PPIB: variants seen among roughly 807,000 people sequenced by gnomAD.
The protein encoded by PPIB is peptidylprolyl isomerase B.
A neutral mutation model predicts 20.1 loss-of-function variants in PPIB; 15 were observed. That is an observed-to-expected ratio of 0.75 (90% CI 0.50 to 1.15). PPIB has a LOEUF of 1.15. Among genes scored for constraint, PPIB ranks in the 50% most tolerant of loss-of-function variants. PPIB has a pLI of 0.00. For missense variants in PPIB, 278 were observed against 283.0 expected, an observed-to-expected ratio of 0.98 and a Z score of 0.13; for synonymous variants, 129 against 111.0, an observed-to-expected ratio of 1.16 and a Z score of -1.02.
rs2081561864 is a variant in PPIB at position 64,161,234 on chromosome 15, C to G, written c.249+807G>C. On this transcript the variant is annotated intron_variant, in intron 2 of 4. Transcript: ENST00000300026. The surrounding 1 kb of genome is among the most constrained non-coding windows in gnomAD (Gnocchi z 4.2). ...GCCTCAGCCTCCCAAAGTGCTGGGA[C>G]TACAGGCATGAGTTACTGCGCCCGG... Among the ~76,000 whole-genome samples, 1 of 151,812 alleles carries G rather than the reference C, an allele frequency of 6.6e-6. No homozygotes were observed. The highest frequency in any genetic ancestry group is 2.1e-4 in the South Asian group (1 of 4,804).
chr15:64,159,046 A>G lies in PPIB; in HGVS notation c.343+1058T>C, dbSNP rs924458128. 6.6e-6 allele frequency among the ~76,000 whole-genome samples: 1 copy of G among 152,204 alleles called. No homozygotes were observed. The highest frequency in any genetic ancestry group is 2.1e-4 in the South Asian group (1 of 4,826). ...AAAACAAGAAGGTGGCAGACACTGG[A>G]TCGAGCCCAACTGCGTCTGACTCCA... On this transcript the variant is annotated intron_variant, in intron 3 of 4. Coordinates refer to ENST00000300026, the MANE Select transcript of PPIB (RefSeq NM_000942.5). The surrounding 1 kb of genome is among the most constrained non-coding windows in gnomAD (Gnocchi z 5.1).
Position 64,156,536 on chromosome 15 carries a change from G to A in PPIB, c.528+189C>T. On this transcript the variant is annotated intron_variant, in intron 4 of 4. Transcript: ENST00000300026. This position sits in a 1 kb window ranked among gnomAD's most constrained non-coding sequence, Gnocchi z 6.4. Reference sequence around the variant, plus strand: ...TGCAGCCTTCCTGGCTGGGCTCTGAGGGGGCTGGAAGAATTTAGAACCTTG... The same window carrying A: ...TGCAGCCTTCCTGGCTGGGCTCTGAAGGGGCTGGAAGAATTTAGAACCTTG... 1.2e-5 allele frequency: 9 copies of A among 766,170 alleles called. No individual in the cohort carries two copies. The South Asian group carries it at 1.4e-4, about 12-fold the overall frequency. 47.5% of individuals were successfully genotyped at this position (766,170 alleles called of 1,614,324 possible).
chr15:64,161,925 C>G lies in PPIB; in HGVS notation c.249+116G>C. 2.5e-6 allele frequency: 2 copies of G among 803,682 alleles called. No individual in the cohort carries two copies. The highest frequency in any genetic ancestry group is 2.4e-5 in the East Asian group (1 of 40,988). The allele number at this position is 803,682 out of a possible 1,614,324, so 49.8% of individuals were successfully genotyped here. ...CTGTGTTCCCAGGGCAACAGGCAGT[C>G]GGTGCTCAGTGAGGTCCACGCTACA... On this transcript the variant is annotated intron_variant, in intron 2 of 4. Coordinates refer to ENST00000300026, the MANE Select transcript of PPIB (RefSeq NM_000942.5). This position sits in a 1 kb window ranked among gnomAD's most constrained non-coding sequence, Gnocchi z 4.2.
chr15:64,162,719 C>A (rs1304586360), intron 1 of PPIB, 133 bp downstream of exon 1: 1 of 1,445,010 alleles, frequency 6.9e-7, no homozygotes, highest in East Asian at 2.5e-5. Context: ...GTTCCCTGGA[C>A]TGAATGGGCA....
intron 1 of PPIB, 82 bp from the exon 2 acceptor site, chr15:64,162,236 G>A (rs1209489720): frequency 1.2e-5 from 12 of 967,162 alleles, no homozygotes; most frequent in South Asian, 2.6e-5. Flanking sequence ...CTAACCTGAG[G>A]ATGGGAGAGA....
chr15:64,157,329 C>T lies in PPIB; in HGVS notation c.344-420G>A, dbSNP rs2081540951. ...TGCTGTGGCTGACCAGCCTGTTTTC[C>T]TATGAGCACAAAAGACACAGGCATA... On this transcript the variant is annotated intron_variant, in intron 3 of 4. Transcript: ENST00000300026. This position sits in a 1 kb window ranked among gnomAD's most constrained non-coding sequence, Gnocchi z 4.2. The T allele has an allele frequency of 4.6e-6, 1 of 215,600 alleles. No homozygotes were observed. The highest frequency in any genetic ancestry group is 9.4e-6 in the Non-Finnish European group (1 of 106,126). The allele number at this position is 215,600 out of a possible 1,614,324, so 13.4% of individuals were successfully genotyped here.
intron 1 of PPIB, among the ~76,000 whole-genome samples, 198 bp downstream of exon 1, chr15:64,162,654 C>G (rs1226687415): frequency 6.6e-6 from 1 of 150,526 alleles, no homozygotes; most frequent in Non-Finnish European, 1.5e-5. Flanking sequence ...TCCGGGGATC[C>G]AACTAACTCC....
chr15:64,156,928 C>T lies in PPIB; in HGVS notation c.344-19G>A, dbSNP rs1053236908. The T allele has an allele frequency of 6.2e-7, 1 of 1,613,636 alleles. No individual in the cohort carries two copies. The highest frequency in any genetic ancestry group is 8.5e-7 in the Non-Finnish European group (1 of 1,179,716). On this transcript the variant is annotated intron_variant, in intron 3 of 4. Transcript: ENST00000300026. This position sits in a 1 kb window ranked among gnomAD's most constrained non-coding sequence, Gnocchi z 6.4. ...CTCTTTCCTGGGAAAAAAGACAGAG[C>T]AGGTCAGGGGCGCTGGATTGCGCCA...
At position 64,155,921 on chromosome 15, in the gene PPIB, C is replaced by T. The variant is rs987657075; in HGVS notation, c.*102G>A. The T allele has an allele frequency of 2.4e-5, 37 of 1,574,008 alleles. No homozygotes were observed. In the Admixed American group the frequency reaches 3.5e-4, roughly 15 times the overall value. ...CTGTGGAATGTGAGGGGAGTGGGTC[C>T]GCTCCACCAGATGCCAGCACCGGGG... On this transcript the variant is annotated 3_prime_UTR_variant, in exon 5 of 5. Coordinates refer to ENST00000300026, the MANE Select transcript of PPIB (RefSeq NM_000942.5).
rs1193591711 is a variant in PPIB, at chr15:64,156,768, A to C, written c.485T>G (p.Leu162Arg). Residue 162 changes from leucine (L) to arginine (R), a missense_variant, in exon 4 of 5, where the codon CTA becomes CGA. Leu to Arg is a moderately radical substitution (Grantham distance 102). Coordinates refer to ENST00000300026, the MANE Select transcript of PPIB (RefSeq NM_000942.5). This position sits in a 1 kb window ranked among gnomAD's most constrained non-coding sequence, Gnocchi z 6.4. ...GCCAAACACCACATGCTTGCCATCT[A>C]GCCAGGCTGTCTTGACTGTCGTGAT... ...FFITTVKTAW[L>R]DGKHVVFGKV... 6.2e-7 allele frequency: 1 copy of C among 1,614,222 alleles called. No homozygotes were observed. The highest frequency in any genetic ancestry group is 8.5e-7 in the Non-Finnish European group (1 of 1,180,046).
At position 64,161,022 on chromosome 15, in the gene PPIB, G is replaced by A. The variant is rs2081560854; in HGVS notation, c.250-825C>T. 6.7e-6 allele frequency among the ~76,000 whole-genome samples: 1 copy of A among 150,166 alleles called. No homozygotes were observed. Among genetic ancestry groups the A allele is most frequent in the Admixed American group, 6.6e-5 (1 of 15,136 alleles). ...GTTGCCCAGGCTAGAGTGCAGTGGG[G>A]CAATCTCGGCTCACTGCAACCTCCA... On this transcript the variant is annotated intron_variant, in intron 2 of 4. Transcript: ENST00000300026. This position sits in a 1 kb window ranked among gnomAD's most constrained non-coding sequence, Gnocchi z 4.2.
In PPIB at chr15:64,156,001, C is replaced by CACT. The variant is rs753313770; in HGVS notation, c.*21_*22insAGT. On this transcript the variant is annotated 3_prime_UTR_variant, in exon 5 of 5. Coordinates refer to ENST00000300026, the MANE Select transcript of PPIB (RefSeq NM_000942.5). This position sits in a 1 kb window ranked among gnomAD's most constrained non-coding sequence, Gnocchi z 6.4. ...TACAGGGCCTGCACAGACGGTCACT[C>CACT]AAAGAAAGATGTCCCTGTGCCCTAC... is the stretch of plus-strand genomic sequence containing the variant. The CACT allele has an allele frequency of 6.2e-6, 10 of 1,614,092 alleles. 1 individual carries two copies. In the South Asian group the frequency reaches 1.1e-4, roughly 18 times the overall value.
chr15:64,156,030 T>A lies in PPIB; in HGVS notation c.644A>T (p.Lys215Met). Residue 215 changes from lysine to methionine, a missense_variant, in exon 5 of 5, where the codon AAG becomes ATG. By Grantham distance (95) the Lys-to-Met change is moderately conservative (BLOSUM62 -1). Coordinates refer to ENST00000300026, the MANE Select transcript of PPIB (RefSeq NM_000942.5). The surrounding 1 kb of genome is among the most constrained non-coding windows in gnomAD (Gnocchi z 6.4). ...IEVEKPFAIA[K>M]E is the part of the protein sequence containing the mutation. ...GAAAGATGTCCCTGTGCCCTACTCCTTGGCGATGGCAAAGGGCTTCTCCAC... is the reference window on the plus strand; with the variant it reads ...GAAAGATGTCCCTGTGCCCTACTCCATGGCGATGGCAAAGGGCTTCTCCAC... 6.2e-7 allele frequency: 1 copy of A among 1,614,178 alleles called. No homozygotes were observed. The highest frequency in any genetic ancestry group is 8.5e-7 in the Non-Finnish European group (1 of 1,180,024).
rs2081532927 is a variant in PPIB at position 64,156,528 on chromosome 15, G to A, written c.528+197C>T. The A allele has an allele frequency of 6.9e-6, 5 of 721,248 alleles. No individual in the cohort carries two copies. The East Asian group carries it at 1.0e-4, about 15-fold the overall frequency. The allele number at this position is 721,248 out of a possible 1,614,324, so 44.7% of individuals were successfully genotyped here. A position where few individuals can be genotyped will look rare whatever the true frequency, so the allele number is the denominator to read the frequency against. ...GGCAGTTGTGCAGCCTTCCTGGCTG[G>A]GCTCTGAGGGGGCTGGAAGAATTTA... On this transcript the variant is annotated intron_variant, in intron 4 of 4. Coordinates refer to ENST00000300026, the MANE Select transcript of PPIB (RefSeq NM_000942.5). The surrounding 1 kb of genome is among the most constrained non-coding windows in gnomAD (Gnocchi z 6.4).
intron 1 of PPIB, among the ~76,000 whole-genome samples, 168 bp from the exon 2 acceptor site, chr15:64,162,322 G>A (rs998425336): frequency 6.6e-6 from 1 of 152,180 alleles, no homozygotes; most frequent in African/African-American, 2.4e-5. Flanking sequence ...AGAATCTAAT[G>A]AAAGCTCCAG....
intron 1 of PPIB, 137 bp downstream of exon 1, chr15:64,162,715 T>C: frequency 7.0e-7 from 1 of 1,424,908 alleles, no homozygotes; most frequent in Non-Finnish European, 9.6e-7. Context: ...GGTCGTTCCC[T>C]GGACTGAATG....
chr15:64,161,724 T>TG lies in PPIB; in HGVS notation c.249+316_249+317insC, dbSNP rs746547142. Among the ~76,000 whole-genome samples, 76 of 144,968 alleles carry TG rather than the reference T, an allele frequency of 5.2e-4. No homozygotes were observed. The highest frequency in any genetic ancestry group is 1.8e-3 in the African/African-American group (73 of 40,052). On this transcript the variant is annotated intron_variant, in intron 2 of 4. Coordinates refer to ENST00000300026, the MANE Select transcript of PPIB (RefSeq NM_000942.5). The surrounding 1 kb of genome is among the most constrained non-coding windows in gnomAD (Gnocchi z 4.2). Reference sequence around the variant, plus strand: ...CAGGCGACAAGAGTGAAACTCCGTCTCAAAAAAAAAAAAAAATTTGCGGGG... The same window carrying TG: ...CAGGCGACAAGAGTGAAACTCCGTCTGCAAAAAAAAAAAAAAATTTGCGGGG...
rs1439659753 is a variant in PPIB, at chr15:64,158,609, G to T, written c.343+1495C>A. On this transcript the variant is annotated intron_variant, in intron 3 of 4. Transcript: ENST00000300026. The surrounding 1 kb of genome is among the most constrained non-coding windows in gnomAD (Gnocchi z 4.7). ...AAGTGAGGGGTCATCCTCTTACTCA[G>T]CTCTGTGGCCCTGACTCCCTGCAGG... 6.6e-6 allele frequency among the ~76,000 whole-genome samples: 1 copy of T among 152,170 alleles called. No individual in the cohort carries two copies. Among genetic ancestry groups the T allele is most frequent in the Non-Finnish European group, 1.5e-5 (1 of 68,026 alleles).
In PPIB at chr15:64,159,408, T is replaced by C. The variant is rs1293574616; in HGVS notation, c.343+696A>G. Reference sequence around the variant, plus strand: ...GAAAGTAACTGCTCCCACTCTTTTTTTTATTTTTTTGAGATGGAGTCTCGC... The same window carrying C: ...GAAAGTAACTGCTCCCACTCTTTTTCTTATTTTTTTGAGATGGAGTCTCGC... On this transcript the variant is annotated intron_variant, in intron 3 of 4. Transcript: ENST00000300026. This position sits in a 1 kb window ranked among gnomAD's most constrained non-coding sequence, Gnocchi z 5.1. 1 of 153,444 alleles carries C rather than the reference T, an allele frequency of 6.5e-6. No homozygotes were observed. The highest frequency in any genetic ancestry group is 1.9e-4 in the East Asian group (1 of 5,206). 9.5% of individuals were successfully genotyped at this position (153,444 alleles called of 1,614,324 possible).
Sources: gnomAD v4.1 joint callset for allele counts (sites outside exome capture counted in the v4.1 genomes callset) on GRCh38, gnomAD v4.1.1 for gene constraint, Gnocchi (gnomAD v3.1) non-coding constraint, MANE v1.5 for transcripts, NCBI Gene and HGNC (gene_info 2026-07-23, HGNC 2026-07-21) for gene names.